The following ABCD2 variants were observed in gnomAD, a reference collection of about 807,000 sequenced individuals.
ABCD2 encodes ATP-binding cassette sub-family D member 2.
ABCD2 carries 36 observed loss-of-function variants against 70.9 expected under a neutral mutation model. That is an observed-to-expected ratio of 0.51 (90% CI 0.39 to 0.67). The LOEUF (loss-of-function observed/expected upper bound fraction) is 0.67. ABCD2 is among the 30% of genes least tolerant of loss of function. The probability of loss-of-function intolerance (pLI) is 0.00; values close to 1 mark genes in which losing one functional copy is unlikely to be tolerated. For synonymous variants in ABCD2, 304 were observed against 306.9 expected (o/e 0.99, Z 0.10); for missense variants, 729 against 890.2 (o/e 0.82, Z 2.30).
chr12:39,618,010 C>G (rs887381269), intron 1 of ABCD2, among the ~76,000 whole-genome samples: 5 of 148,034 alleles, frequency 3.4e-5, no homozygotes, highest in Non-Finnish European at 7.4e-5. Context: ...CTCCTCATTT[C>G]TTCTCTAATT....
intron 9 of ABCD2, among the ~76,000 whole-genome samples, chr12:39,565,485 C>T (rs904224823): frequency 6.6e-6 from 1 of 152,124 alleles, no homozygotes; most frequent in African/African-American, 2.4e-5. Context: ...ATTTTGTATC[C>T]TGAGACTTTG....
At chr12:39,607,832 T>C in intron 2 of ABCD2, 118 bp from the exon 3 acceptor site, 2 of 703,174 alleles carry the variant, frequency 2.8e-6, no homozygotes, top group South Asian at 1.7e-5. Context: ...TAATTTTTCA[T>C]TAGTAGTAGC....
intron 8 of ABCD2, among the ~76,000 whole-genome samples, chr12:39,576,735 C>A (rs932081880): frequency 5.3e-5 from 8 of 152,110 alleles, no homozygotes; most frequent in African/African-American, 1.9e-4. Context: ...TGACAGAAAT[C>A]AGGACAGAAA....
At chr12:39,568,154 T>C (rs1426841158) in intron 9 of ABCD2, among the ~76,000 whole-genome samples, 1 of 152,186 alleles carries the variant, frequency 6.6e-6, no homozygotes, top group African/African-American at 2.4e-5. Flanking sequence ...CTGTATTTCG[T>C]GAATTTGAAT....
rs547406884 is a variant in ABCD2, at chr12:39,582,188, AG to A, written c.1793-2570del. On this transcript the variant is annotated intron_variant, in intron 7 of 9. Transcript: ENST00000308666. ...TTTTTTTTATGTGCAAGGATATAATAGTTTTTATTATTGTTTAAAAAGCCAG... is the reference window on the plus strand; with the variant it reads ...TTTTTTTTATGTGCAAGGATATAATATTTTTATTATTGTTTAAAAAGCCAG... Among the ~76,000 whole-genome samples the A allele has an allele frequency of 1.1e-4, 16 of 152,274 alleles. No individual in the cohort carries two copies. In the East Asian group the frequency reaches 3.1e-3, roughly 29 times the overall value.
rs1322280620 is a variant in ABCD2 at position 39,552,380 on chromosome 12, C to G, written c.*1532G>C. On this transcript the variant is annotated 3_prime_UTR_variant, in exon 10 of 10. Coordinates refer to ENST00000308666, the MANE Select transcript of ABCD2 (RefSeq NM_005164.4). Reference sequence around the variant, plus strand: ...AACAGGCAAATAAAATCCTAGGCCACTAACAACTGATCATTCCAATATTCT... The same window carrying G: ...AACAGGCAAATAAAATCCTAGGCCAGTAACAACTGATCATTCCAATATTCT... 1 of 151,922 alleles carries G rather than the reference C, an allele frequency of 6.6e-6. No individual in the cohort carries two copies. Among genetic ancestry groups the G allele is most frequent in the East Asian group, 1.9e-4 (1 of 5,194 alleles). The allele number at this position is 151,922 out of a possible 1,614,324, so 9.4% of individuals were successfully genotyped here.
intron 7 of ABCD2, among the ~76,000 whole-genome samples, chr12:39,581,328 C>T (rs1299864680): frequency 2.6e-5 from 4 of 152,074 alleles, no homozygotes. Flanking sequence ...TAAAAAATAT[C>T]TGGAGTGAAA....
chr12:39,598,780 T>C (rs1941856022), intron 6 of ABCD2, among the ~76,000 whole-genome samples: 1 of 152,206 alleles, frequency 6.6e-6, no homozygotes, highest in Non-Finnish European at 1.5e-5. Flanking sequence ...AGCAGCTTTC[T>C]TTTACATCAT....
intron 2 of ABCD2, among the ~76,000 whole-genome samples, chr12:39,616,244 C>T (rs1263947659): frequency 6.6e-6 from 1 of 152,124 alleles, no homozygotes; most frequent in Non-Finnish European, 1.5e-5. Flanking sequence ...TCTGTTCCAA[C>T]CAATTAAGAT....
intron 9 of ABCD2, among the ~76,000 whole-genome samples, chr12:39,572,686 T>G (rs960725333): frequency 2.0e-5 from 3 of 152,238 alleles, no homozygotes; most frequent in South Asian, 2.1e-4. Context: ...AAGGATTAAT[T>G]CCAATAATGC....
intron 7 of ABCD2, among the ~76,000 whole-genome samples, chr12:39,580,164 C>G (rs1271430994): frequency 3.3e-5 from 5 of 152,090 alleles, no homozygotes; most frequent in African/African-American, 1.2e-4. Context: ...TGGTTTCAAC[C>G]TCCTAGGTTC....
At chr12:39,541,068 A>G in the ABCD2 span, among the ~76,000 whole-genome samples, 5 of 152,254 alleles carry the variant, frequency 3.3e-5, no homozygotes, top group Admixed American at 3.3e-4. Flanking sequence ...GGACCAGGCA[A>G]AAGGCTAGGA....
intron 6 of ABCD2, among the ~76,000 whole-genome samples, chr12:39,598,796 C>T (rs1187793733): frequency 3.3e-5 from 5 of 152,054 alleles, no homozygotes; most frequent in South Asian, 2.1e-4. Context: ...ATCATAAAAA[C>T]GTAAGATTAT....
the ABCD2 span, among the ~76,000 whole-genome samples, chr12:39,535,510 C>T: frequency 6.6e-6 from 1 of 151,974 alleles, no homozygotes; most frequent in African/African-American, 2.4e-5. Context: ...CAAATAAAGT[C>T]CAAATATAAA....
At position 39,550,192 on chromosome 12, in the gene ABCD2, A is replaced by C. The variant is rs1941068305; in HGVS notation, c.*3720T>G. ...TTCTACACACGGTTATATACAATAC[A>C]ATGTCTAAGTAAGGCGTATATAGAC... On this transcript the variant is annotated 3_prime_UTR_variant, in exon 10 of 10. Transcript: ENST00000308666. The C allele has an allele frequency of 6.6e-6, 1 of 151,810 alleles. No homozygotes were observed. Among genetic ancestry groups the C allele is most frequent in the African/African-American group, 2.4e-5 (1 of 41,432 alleles). The allele number at this position is 151,810 out of a possible 1,614,324, so 9.4% of individuals were successfully genotyped here. A position where few individuals can be genotyped will look rare whatever the true frequency, so the allele number is the denominator to read the frequency against.
chr12:39,554,096 T>C lies in ABCD2; in HGVS notation c.2039A>G (p.Glu680Gly). The C allele has an allele frequency of 6.2e-7, 1 of 1,613,534 alleles. No individual in the cohort carries two copies. Among genetic ancestry groups the C allele is most frequent in the Non-Finnish European group, 8.5e-7 (1 of 1,179,754 alleles). Residue 680 changes from glutamate to glycine, a missense_variant, in exon 10 of 10, where the codon GAA becomes GGA. Around this residue, in one of 3 missense-constraint regions of ABCD2, gnomAD observed 289 missense variants for 328.8 expected, o/e 0.88. Transcript: ENST00000308666. ...CAATTGTTCAAAGCGCCAACCTCCT[T>C]CACCATCAAACTGTAATAAATGTGT... is the stretch of plus-strand genomic sequence containing the variant. ...YHTHLLQFDG[E>G]GGWRFEQLDT...
rs1942164179 is a variant in ABCD2, at chr12:39,619,454, T to A, written c.162A>T (p.Ala54=). Reference sequence around the variant, plus strand: ...TGTTCTCTGCAGCAGGGTAAGCTGCTGCTTTTTTCTTCCCGTGGCCAGATT... The same window carrying A: ...TGTTCTCTGCAGCAGGGTAAGCTGCAGCTTTTTTCTTCCCGTGGCCAGATT... The part of the protein sequence containing the change: ...LKQSGHGKKK[A]AAYPAAENTE... The change falls in exon 1 of 10, where the codon GCA becomes GCT. Residue 54 remains alanine, a synonymous_variant. Transcript: ENST00000308666. The A allele has an allele frequency of 6.2e-7, 1 of 1,614,098 alleles. No individual in the cohort carries two copies. Among genetic ancestry groups the A allele is most frequent in the Non-Finnish European group, 8.5e-7 (1 of 1,180,040 alleles).
In ABCD2 at chr12:39,590,889, A is replaced by G. The variant is rs115016244; in HGVS notation, c.1647-4592T>C. 8.0e-3 allele frequency among the ~76,000 whole-genome samples: 1,219 copies of G among 152,246 alleles called. 18 individuals are homozygous for G. The highest frequency in any genetic ancestry group is 0.028 in the African/African-American group (1,175 of 41,546). On this transcript the variant is annotated intron_variant, in intron 6 of 9. Transcript: ENST00000308666. The stretch of plus-strand genomic sequence containing the variant: ...TCTATGTGCTTGGAGCTTCTGAATG[A>G]CACAAAATTCTAAATATTTCCTAAA...
At chr12:39,595,031 A>C (rs1441969180) in intron 6 of ABCD2, among the ~76,000 whole-genome samples, 1 of 152,136 alleles carries the variant, frequency 6.6e-6, no homozygotes, top group African/African-American at 2.4e-5. Flanking sequence ...GTGCCACTGC[A>C]CTCCAGCCTG....
Sources: gnomAD v4.1 joint callset for allele counts (sites outside exome capture counted in the v4.1 genomes callset) on GRCh38, gnomAD v4.1.1 for gene constraint, gnomAD v4.1.1 regional missense constraint, MANE v1.5 for transcripts, NCBI Gene and HGNC (gene_info 2026-07-23, HGNC 2026-07-21) for gene names.